The following LRRC4C variants were observed in gnomAD, a reference collection of about 807,000 sequenced individuals.
LRRC4C encodes the protein leucine-rich repeat-containing protein 4C.
In LRRC4C, 5 loss-of-function variants were observed where a neutral mutation model predicts 33.6. The observed-to-expected ratio is 0.15, with a 90% CI of 0.08 to 0.31. LRRC4C has a LOEUF of 0.31. LRRC4C is among the 10% of genes least tolerant of loss of function. LRRC4C has a pLI of 1.00. For missense variants in LRRC4C, 560 were observed against 796.7 expected (o/e 0.70, Z 3.58); for synonymous variants, 329 against 302.0 (o/e 1.09, Z -0.93).
At chr11:40,328,805 T>C (rs1444365181) in intron 3 of LRRC4C, among the ~76,000 whole-genome samples, 1 of 152,262 alleles carries the variant, frequency 6.6e-6, no homozygotes, top group East Asian at 1.9e-4. Context: ...TACTTGCATT[T>C]GGAGTGCTCA....
At chr11:41,097,070 A>G (rs1334804982) in intron 1 of LRRC4C, among the ~76,000 whole-genome samples, 1 of 152,096 alleles carries the variant, frequency 6.6e-6, no homozygotes, top group African/African-American at 2.4e-5. Context: ...TTCCTAAGAG[A>G]TGGGGCAGGT....
chr11:40,828,058 T>C (rs1392301125), intron 2 of LRRC4C, among the ~76,000 whole-genome samples: 1 of 151,610 alleles, frequency 6.6e-6, no homozygotes, highest in Non-Finnish European at 1.5e-5. Context: ...CTGGTAACTA[T>C]AAAACAGTGC....
chr11:40,979,358 C>T (rs1484780921), intron 1 of LRRC4C, among the ~76,000 whole-genome samples: 1 of 152,174 alleles, frequency 6.6e-6, no homozygotes, highest in African/African-American at 2.4e-5. Flanking sequence ...TTTGAATAGT[C>T]AATAAATTAA....
chr11:40,764,784 T>C (rs1431038482), intron 2 of LRRC4C, among the ~76,000 whole-genome samples: 1 of 152,136 alleles, frequency 6.6e-6, no homozygotes, highest in Non-Finnish European at 1.5e-5. Context: ...AGAACAAGAA[T>C]TTCTGCCTAG....
intron 5 of LRRC4C, among the ~76,000 whole-genome samples, chr11:40,189,522 C>T (rs1426749023): frequency 6.6e-6 from 1 of 152,140 alleles, no homozygotes; most frequent in Non-Finnish European, 1.5e-5. Context: ...TCTTCGAACC[C>T]TTCTATAAAA....
intron 1 of LRRC4C, among the ~76,000 whole-genome samples, chr11:41,425,695 A>G (rs966887520): frequency 6.6e-6 from 1 of 152,166 alleles, no homozygotes; most frequent in South Asian, 2.1e-4. Context: ...AAAGTGTTTA[A>G]CAAATTACTA....
intron 3 of LRRC4C, among the ~76,000 whole-genome samples, chr11:40,546,524 T>G (rs1395023728): frequency 6.6e-6 from 1 of 152,034 alleles, no homozygotes; most frequent in African/African-American, 2.4e-5. Flanking sequence ...ATGTTGGATT[T>G]TATCATTAAT....
intron 2 of LRRC4C, among the ~76,000 whole-genome samples, chr11:40,883,510 T>A (rs1052862422): frequency 1.3e-5 from 2 of 152,098 alleles, no homozygotes; most frequent in African/African-American, 4.8e-5. Flanking sequence ...AGAATCTTAA[T>A]TCATGGGTGC....
intron 3 of LRRC4C, among the ~76,000 whole-genome samples, chr11:40,499,468 C>G (rs565582216): frequency 1.3e-5 from 2 of 152,228 alleles, no homozygotes; most frequent in East Asian, 3.9e-4. Context: ...AAGAGTGAAT[C>G]CCTCACAGTC....
At chr11:40,164,832 G>C (rs745418411) in intron 5 of LRRC4C, among the ~76,000 whole-genome samples, 1 of 152,110 alleles carries the variant, frequency 6.6e-6, no homozygotes, top group Non-Finnish European at 1.5e-5. Flanking sequence ...ATTACACCAT[G>C]TATGCATGTA....
At chr11:41,168,401 A>T (rs1944825729) in intron 1 of LRRC4C, among the ~76,000 whole-genome samples, 1 of 152,206 alleles carries the variant, frequency 6.6e-6, no homozygotes, top group Non-Finnish European at 1.5e-5. Flanking sequence ...CCATTTAGTT[A>T]AATTACCTGT....
At chr11:41,095,688 A>G (rs1940765465) in intron 1 of LRRC4C, among the ~76,000 whole-genome samples, 2 of 152,212 alleles carry the variant, frequency 1.3e-5, no homozygotes, top group African/African-American at 4.8e-5. Context: ...ATATATAATC[A>G]TATCTGTAAC....
At chr11:40,626,324 C>T (rs1962922373) in intron 3 of LRRC4C, among the ~76,000 whole-genome samples, 1 of 152,096 alleles carries the variant, frequency 6.6e-6, no homozygotes, top group Non-Finnish European at 1.5e-5. Context: ...CCCCAAGACC[C>T]TTATTGCCCT....
chr11:40,361,561 C>T (rs11035804), intron 3 of LRRC4C, among the ~76,000 whole-genome samples: 3 of 152,018 alleles, frequency 2.0e-5, no homozygotes, highest in African/African-American at 7.2e-5. Context: ...GGTGAAATAT[C>T]TTTACAAGGA....
chr11:41,146,008 C>T (rs190765806), intron 1 of LRRC4C, among the ~76,000 whole-genome samples: 7 of 152,222 alleles, frequency 4.6e-5, no homozygotes, highest in South Asian at 2.1e-4. Context: ...CTTCACCATA[C>T]GCTAAAAAAC....
chr11:40,996,485 G>T (rs1354557407), intron 1 of LRRC4C, among the ~76,000 whole-genome samples: 1 of 152,146 alleles, frequency 6.6e-6, no homozygotes, highest in African/African-American at 2.4e-5. Flanking sequence ...CTTTTGGAAG[G>T]AGATGAAATA....
chr11:40,291,757 T>C (rs1944206962), intron 4 of LRRC4C, among the ~76,000 whole-genome samples: 2 of 152,160 alleles, frequency 1.3e-5, no homozygotes, highest in Admixed American at 1.3e-4. Flanking sequence ...TGTTAATACA[T>C]TCTGTTGATC....
chr11:41,148,614 C>T (rs984008071), intron 1 of LRRC4C, among the ~76,000 whole-genome samples: 2 of 151,892 alleles, frequency 1.3e-5, no homozygotes, highest in African/African-American at 2.4e-5. Context: ...GAACTAAACA[C>T]CATTGGTAAA....
At chr11:40,527,426 T>A (rs546251556) in intron 3 of LRRC4C, among the ~76,000 whole-genome samples, 2 of 152,302 alleles carry the variant, frequency 1.3e-5, no homozygotes, top group East Asian at 1.9e-4. Flanking sequence ...ATTGTTGATA[T>A]GATCAGATGG....
Sources: allele counts gnomAD v4.1 joint callset (sites outside exome capture counted in the v4.1 genomes callset), GRCh38; gene constraint gnomAD v4.1.1; transcripts MANE v1.5; gene names NCBI Gene and HGNC (gene_info 2026-07-23, HGNC 2026-07-21).